Variants in RPH3A observed in about 807,000 individuals in gnomAD.
The protein encoded by RPH3A is rabphilin-3A.
A neutral mutation model predicts 102.2 loss-of-function variants in RPH3A; 48 were observed. The observed-to-expected ratio is 0.47, with a 90% confidence interval of 0.37 to 0.60. The LOEUF (loss-of-function observed/expected upper bound fraction) is 0.60, where lower values mean the gene tolerates loss of function less well. Ranked by LOEUF, RPH3A falls within the 20% of genes least tolerant of loss-of-function variation. The pLI, the probability that RPH3A is intolerant of heterozygous loss-of-function variation, is 0.00. For synonymous variants in RPH3A, 310 were observed against 324.3 expected (o/e 0.96, Z 0.47); for missense variants, 781 against 910.1 (o/e 0.86, Z 1.83).
intron 1 of RPH3A, among the ~76,000 whole-genome samples, chr12:112,683,992 C>T (rs1277826556): frequency 6.6e-6 from 1 of 152,028 alleles, no homozygotes; most frequent in African/African-American, 2.4e-5. Flanking sequence ...CATCGATTTT[C>T]TGATGATAAA....
chr12:112,861,355 G>A (rs966476283), intron 5 of RPH3A, among the ~76,000 whole-genome samples: 9 of 152,214 alleles, frequency 5.9e-5, no homozygotes, highest in African/African-American at 1.7e-4. Flanking sequence ...TCCCAACCTC[G>A]GGCAGTGAGA....
At chr12:112,782,163 C>T (rs373663360) in intron 1 of RPH3A, among the ~76,000 whole-genome samples, 2 of 152,218 alleles carry the variant, frequency 1.3e-5, no homozygotes, top group African/African-American at 2.4e-5. Flanking sequence ...TTCAATACAA[C>T]GCAATGCTTA....
At chr12:112,833,741 T>G (rs1261465341) in intron 3 of RPH3A, among the ~76,000 whole-genome samples, 1 of 152,130 alleles carries the variant, frequency 6.6e-6, no homozygotes, top group Non-Finnish European at 1.5e-5. Context: ...TTTTTTTTTT[T>G]TTTTTAAAGA....
chr12:112,652,671 AACTCATTCATTCATTTAATT>A (rs1253169975), intron 1 of RPH3A, among the ~76,000 whole-genome samples: 1 of 152,060 alleles, frequency 6.6e-6, no homozygotes, highest in Non-Finnish European at 1.5e-5. Context: ...CCCATGCAAA[AACTCATTCATTCATTTAATT>A]ACTCATTCAT....
intron 5 of RPH3A, among the ~76,000 whole-genome samples, chr12:112,864,223 C>T (rs1170508722): frequency 2.0e-5 from 3 of 152,090 alleles, no homozygotes; most frequent in Non-Finnish European, 1.5e-5. Context: ...GAGGCCAAGG[C>T]AGGTGGATCA....
At chr12:112,892,280 T>C (rs945927819) in intron 19 of RPH3A, among the ~76,000 whole-genome samples, 2 of 152,168 alleles carry the variant, frequency 1.3e-5, no homozygotes, top group Non-Finnish European at 2.9e-5. Flanking sequence ...GTATATTAGT[T>C]CAGGTCCTCC....
intron 1 of RPH3A, among the ~76,000 whole-genome samples, chr12:112,771,182 G>A (rs764533739): frequency 2.0e-5 from 3 of 152,130 alleles, no homozygotes; most frequent in Non-Finnish European, 4.4e-5. Context: ...AAATACAAAT[G>A]GTAGCATACT....
upstream of RPH3A, among the ~76,000 whole-genome samples, chr12:112,789,111 T>G (rs992601786): frequency 6.6e-6 from 1 of 151,832 alleles, no homozygotes; most frequent in Admixed American, 6.6e-5. Flanking sequence ...TTAGGCGAGA[T>G]CTCACCACTG....
At chr12:112,760,000 C>G (rs566015291) in intron 1 of RPH3A, among the ~76,000 whole-genome samples, 1 of 152,126 alleles carries the variant, frequency 6.6e-6, no homozygotes, top group Admixed American at 6.5e-5. Context: ...ACCAGCCGGC[C>G]TGTCTGGGCA....
At chr12:112,857,055 G>T (rs972072513) in intron 5 of RPH3A, among the ~76,000 whole-genome samples, 3 of 152,184 alleles carry the variant, frequency 2.0e-5, no homozygotes, top group African/African-American at 7.2e-5. Context: ...GGGTGTGTGT[G>T]TGTGTGTCTG....
rs77808117 is a variant in RPH3A, at chr12:112,578,811, T to C, written c.-140+3492T>C. Among the ~76,000 whole-genome samples the C allele has an allele frequency of 5.3e-5, 8 of 152,268 alleles. No homozygotes were observed. In the East Asian group the frequency reaches 1.5e-3, roughly 29 times the overall value. ...AGAAAATACAAGAGTGGTGGGAATA[T>C]AGTGAGTTGGGAACACATGCTCCAT... is the stretch of plus-strand genomic sequence containing the variant. On this transcript the variant is annotated intron_variant, in intron 1 of 21. Coordinates refer to the RPH3A transcript ENST00000543106.
rs141764408 is a variant in RPH3A at position 112,840,729 on chromosome 12, T to C, written c.83+4227T>C. Among the ~76,000 whole-genome samples, 32 of 152,192 alleles carry C rather than the reference T, an allele frequency of 2.1e-4. 1 individual carries two copies. The highest frequency in any genetic ancestry group is 6.7e-4 in the African/African-American group (28 of 41,502). ...CAGTAAAGGCGTGTAGGTTCTACAG[T>C]GGGCAGTAAAATACCTTCTAAAATA... is the stretch of plus-strand genomic sequence containing the variant. On this transcript the variant is annotated intron_variant, in intron 4 of 21. Transcript: ENST00000389385.
At chr12:112,710,070 G>A (rs529892605) in intron 1 of RPH3A, among the ~76,000 whole-genome samples, 1 of 152,142 alleles carries the variant, frequency 6.6e-6, no homozygotes, top group African/African-American at 2.4e-5. Context: ...CGCCGCCCGG[G>A]TTCACACCAT....
At chr12:112,831,926 G>A in intron 3 of RPH3A, 2 of 386,062 alleles carry the variant, frequency 5.2e-6, no homozygotes, top group Non-Finnish European at 1.0e-5. Context: ...TTTTCTACTT[G>A]GTGCATGTTG....
chr12:112,711,981 C>T (rs184857522), intron 1 of RPH3A, among the ~76,000 whole-genome samples: 1 of 152,074 alleles, frequency 6.6e-6, no homozygotes, highest in African/African-American at 2.4e-5. Flanking sequence ...TACAGGCATG[C>T]ACCTCCATAC....
intron 1 of RPH3A, among the ~76,000 whole-genome samples, chr12:112,659,080 C>T (rs1714036536): frequency 6.6e-6 from 1 of 152,074 alleles, no homozygotes; most frequent in South Asian, 2.1e-4. Context: ...GAATTTTTTT[C>T]CCACTGAATC....
intron 7 of RPH3A, among the ~76,000 whole-genome samples, chr12:112,867,539 G>A (rs571954504): frequency 3.9e-5 from 6 of 152,092 alleles, no homozygotes; most frequent in African/African-American, 7.2e-5. Flanking sequence ...ACAAAGGTCC[G>A]GGCAGAACTA....
chr12:112,740,516 C>A (rs1234340055), intron 1 of RPH3A, among the ~76,000 whole-genome samples: 3 of 152,186 alleles, frequency 2.0e-5, no homozygotes, highest in African/African-American at 7.2e-5. Context: ...GGCAAGCCAG[C>A]ACCTTTTCTC....
At chr12:112,865,279 A>C in intron 5 of RPH3A, 135 bp from the exon 6 acceptor site, 1 of 1,033,594 alleles carries the variant, frequency 9.7e-7, no homozygotes, top group South Asian at 1.6e-5. Context: ...TTTCTTGGGG[A>C]AGAGTTCACA....
Sources: gnomAD v4.1 joint callset for allele counts (sites outside exome capture counted in the v4.1 genomes callset) on GRCh38, gnomAD v4.1.1 for gene constraint, MANE v1.5 for transcripts, NCBI Gene and HGNC (gene_info 2026-07-23, HGNC 2026-07-21) for gene names.